SNX29: variants seen among roughly 807,000 people sequenced by gnomAD.
The protein encoded by SNX29 is sorting nexin 29.
Under a neutral mutation model 102.1 loss-of-function variants are expected in SNX29, and 78 were observed. The ratio of observed to expected loss-of-function variants is 0.76; its 90% CI spans 0.64 to 0.92. The LOEUF (loss-of-function observed/expected upper bound fraction) is 0.92, where lower values mean the gene tolerates loss of function less well. Among genes scored for constraint, SNX29 ranks in the 40% least tolerant of loss-of-function variants. The pLI is 0.00. For synonymous variants in SNX29, 580 were observed against 414.5 expected (o/e 1.40, Z -4.85); for missense variants, 1,280 against 1,061.7 (o/e 1.21, Z -2.86).
At chr16:12,363,102 A>C (rs2082353650) in intron 16 of SNX29, among the ~76,000 whole-genome samples, 1 of 152,194 alleles carries the variant, frequency 6.6e-6, no homozygotes, top group African/African-American at 2.4e-5. Flanking sequence ...TGTGATGGCC[A>C]GAAGGGAGGA....
chr16:12,347,826 G>A (rs77398813), intron 15 of SNX29, among the ~76,000 whole-genome samples: 3,986 of 151,170 alleles, frequency 0.026, 174 homozygotes, highest in South Asian at 0.22. Context: ...GCCTATAATC[G>A]TAGCACTTCG....
intron 20 of SNX29, among the ~76,000 whole-genome samples, chr16:12,564,546 T>G (rs1223211536): frequency 6.6e-6 from 1 of 152,206 alleles, no homozygotes; most frequent in African/African-American, 2.4e-5. Flanking sequence ...GTTAAGGCCT[T>G]TGGCAACCCA....
intron 20 of SNX29, among the ~76,000 whole-genome samples, chr16:12,532,078 C>T (rs2076947155): frequency 1.3e-5 from 2 of 152,180 alleles, no homozygotes; most frequent in Admixed American, 6.5e-5. Context: ...GGAACCAGGA[C>T]AGGAACATGT....
chr16:12,374,153 G>C (rs973590735), intron 16 of SNX29, among the ~76,000 whole-genome samples: 23 of 152,226 alleles, frequency 1.5e-4, no homozygotes, highest in African/African-American at 5.3e-4. Flanking sequence ...CATTCCCCAA[G>C]ATCCAGTTTG....
chr16:12,167,233 T>G (rs2076036976), intron 13 of SNX29, among the ~76,000 whole-genome samples: 1 of 152,196 alleles, frequency 6.6e-6, no homozygotes, highest in Non-Finnish European at 1.5e-5. Flanking sequence ...CAGTGGCCTA[T>G]GACTGCACCA....
intron 20 of SNX29, among the ~76,000 whole-genome samples, chr16:12,563,255 C>G (rs1017284447): frequency 2.6e-5 from 4 of 152,130 alleles, no homozygotes; most frequent in African/African-American, 9.7e-5. Flanking sequence ...CTGACCCCGC[C>G]CAGGTAGCAG....
At chr16:12,559,304 A>C (rs1012390261) in intron 20 of SNX29, among the ~76,000 whole-genome samples, 4 of 151,826 alleles carry the variant, frequency 2.6e-5, no homozygotes, top group Non-Finnish European at 5.9e-5. Flanking sequence ...AGGCATGCAA[A>C]CCCTATTGTG....
chr16:12,568,707 C>A lies in SNX29; in HGVS notation c.*78C>A. 1 of 1,552,608 alleles carries A rather than the reference C, an allele frequency of 6.4e-7. No homozygotes were observed. Among genetic ancestry groups the A allele is most frequent in the Non-Finnish European group, 8.7e-7 (1 of 1,154,696 alleles). On this transcript the variant is annotated 3_prime_UTR_variant, in exon 21 of 21. Coordinates refer to ENST00000566228, the MANE Select transcript of SNX29 (RefSeq NM_032167.5). ...CCCAGCCACTGCCGCTGGCCCCTCA[C>A]CTCAGCGTGACAACCACGTCCACCT...
At chr16:12,563,055 A>C (rs1224073507) in intron 20 of SNX29, among the ~76,000 whole-genome samples, 1 of 152,140 alleles carries the variant, frequency 6.6e-6, no homozygotes, top group Non-Finnish European at 1.5e-5. Context: ...TCACCTCGAA[A>C]TGTAGGTACT....
At chr16:12,165,664 A>G (rs1346080658) in intron 13 of SNX29, among the ~76,000 whole-genome samples, 2 of 152,176 alleles carry the variant, frequency 1.3e-5, no homozygotes, top group Non-Finnish European at 2.9e-5. Flanking sequence ...AGGTTCAAGC[A>G]GTTCTTCTGC....
At chr16:11,984,189 G>A (rs2055506869) in intron 1 of SNX29, among the ~76,000 whole-genome samples, 1 of 151,892 alleles carries the variant, frequency 6.6e-6, no homozygotes, top group South Asian at 2.1e-4. Context: ...CCGTCTGCCG[G>A]TCTTTGTACA....
At chr16:12,535,064 C>A (rs1027860577) in intron 20 of SNX29, among the ~76,000 whole-genome samples, 3 of 152,152 alleles carry the variant, frequency 2.0e-5, no homozygotes, top group Admixed American at 2.0e-4. Context: ...ACTGGGACTC[C>A]ACAGTCAAGA....
At chr16:12,018,210 C>T (rs935868131) in intron 3 of SNX29, among the ~76,000 whole-genome samples, 1 of 152,074 alleles carries the variant, frequency 6.6e-6, no homozygotes, top group African/African-American at 2.4e-5. Context: ...TTCTTTTTAT[C>T]TGTTTGATCT....
intron 20 of SNX29, among the ~76,000 whole-genome samples, chr16:12,564,667 T>A (rs554225543): frequency 2.0e-5 from 3 of 152,166 alleles, no homozygotes; most frequent in Non-Finnish European, 4.4e-5. Context: ...GAACATATCT[T>A]GTCCACACAT....
intron 15 of SNX29, among the ~76,000 whole-genome samples, chr16:12,337,890 G>T (rs1035802406): frequency 6.6e-6 from 1 of 152,176 alleles, no homozygotes; most frequent in Non-Finnish European, 1.5e-5. Flanking sequence ...AAAACAGGTT[G>T]CAAGTGGAAG....
intron 14 of SNX29, among the ~76,000 whole-genome samples, chr16:12,235,569 A>G (rs186270864): frequency 4.0e-5 from 6 of 151,746 alleles, no homozygotes; most frequent in Non-Finnish European, 8.8e-5. Context: ...TCCTATATTG[A>G]TATATTTTCA....
At position 12,570,979 on chromosome 16, in the gene SNX29, C is replaced by A. The variant is rs899112255; in HGVS notation, c.*2350C>A. ...CCCCAGCTGCCTGCTCCTGGTACCT[C>A]CCCCATGATCATGCACAGACCGTAG... On this transcript the variant is annotated 3_prime_UTR_variant, in exon 21 of 21. Transcript: ENST00000566228. 1 of 232,388 alleles carries A rather than the reference C, an allele frequency of 4.3e-6. No homozygotes were observed. The highest frequency in any genetic ancestry group is 8.5e-6 in the Non-Finnish European group (1 of 117,448). The allele number at this position is 232,388 out of a possible 1,614,324, so 14.4% of individuals were successfully genotyped here.
intron 13 of SNX29, among the ~76,000 whole-genome samples, chr16:12,161,962 G>A (rs2055803516): frequency 1.3e-5 from 2 of 152,130 alleles, no homozygotes; most frequent in Admixed American, 6.5e-5. Flanking sequence ...ATGCAAAATG[G>A]ACTAATACAG....
chr16:12,280,622 A>G (rs758263586), intron 15 of SNX29, among the ~76,000 whole-genome samples: 9 of 152,156 alleles, frequency 5.9e-5, no homozygotes, highest in African/African-American at 1.2e-4. Flanking sequence ...CTCAAACGGC[A>G]TTTACTGCAC....
Sources: gnomAD v4.1 joint callset for allele counts (sites outside exome capture counted in the v4.1 genomes callset) on GRCh38, gnomAD v4.1.1 for gene constraint, MANE v1.5 for transcripts, NCBI Gene and HGNC (gene_info 2026-07-23, HGNC 2026-07-21) for gene names.